The following ROBO2 variants were observed in gnomAD, a reference collection of about 807,000 sequenced individuals.
The protein encoded by ROBO2 is roundabout guidance receptor 2, also known as roundabout homolog 2.
Under a neutral mutation model 160.8 loss-of-function variants are expected in ROBO2, and 53 were observed. The observed-to-expected ratio is 0.33, with a 90% CI of 0.26 to 0.41. ROBO2 has a LOEUF of 0.41. ROBO2 is among the 10% of genes least tolerant of loss of function. The probability of loss-of-function intolerance (pLI) is 1.00; values close to 1 mark genes in which losing one functional copy is unlikely to be tolerated. For missense variants in ROBO2, 1,577 were observed against 1,722.4 expected (o/e 0.92, Z 1.49); for synonymous variants, 664 against 611.7 (o/e 1.09, Z -1.26).
chr3:76,297,114 C>G (rs535904974), intron 2 of ROBO2, among the ~76,000 whole-genome samples: 21 of 152,276 alleles, frequency 1.4e-4, no homozygotes, highest in Non-Finnish European at 2.4e-4. Flanking sequence ...GTCTGACATA[C>G]TGGTTATGTG....
chr3:76,887,757 C>T (rs2074021652), intron 2 of ROBO2, among the ~76,000 whole-genome samples: 1 of 152,080 alleles, frequency 6.6e-6, no homozygotes, highest in Non-Finnish European at 1.5e-5. Context: ...ATTTATTTTT[C>T]AAACCTCAGG....
chr3:77,451,728 T>C (rs2081131251), intron 2 of ROBO2, among the ~76,000 whole-genome samples: 2 of 151,890 alleles, frequency 1.3e-5, no homozygotes, highest in African/African-American at 4.8e-5. Context: ...TTTTTTTGTG[T>C]GTGATTCTTT....
chr3:76,249,931 C>T (rs1390720241), intron 2 of ROBO2, among the ~76,000 whole-genome samples: 1 of 152,004 alleles, frequency 6.6e-6, no homozygotes, highest in Non-Finnish European at 1.5e-5. Context: ...GGTATTTCCC[C>T]CCTCTTCAAG....
intron 2 of ROBO2, among the ~76,000 whole-genome samples, chr3:76,029,674 T>A (rs1218165918): frequency 6.6e-6 from 1 of 152,166 alleles, no homozygotes; most frequent in East Asian, 1.9e-4. Flanking sequence ...GCTTCATCCA[T>A]GTCCCTACAA....
chr3:77,514,267 T>C (rs1015381489), intron 5 of ROBO2, among the ~76,000 whole-genome samples: 4 of 151,786 alleles, frequency 2.6e-5, no homozygotes, highest in African/African-American at 4.8e-5. Flanking sequence ...ATAAATACCT[T>C]TGATTGTTTA....
intron 2 of ROBO2, among the ~76,000 whole-genome samples, chr3:76,493,550 A>G (rs1055237070): frequency 2.0e-5 from 3 of 151,796 alleles, no homozygotes; most frequent in African/African-American, 7.3e-5. Context: ...ATATTAAAAC[A>G]TATTATTTTT....
intron 2 of ROBO2, among the ~76,000 whole-genome samples, chr3:76,399,777 A>G (rs567920876): frequency 6.6e-6 from 1 of 151,880 alleles, no homozygotes; most frequent in African/African-American, 2.4e-5. Context: ...CTCTTTATTC[A>G]TGAATGTTTT....
At chr3:77,195,272 C>G (rs906039036) in intron 2 of ROBO2, among the ~76,000 whole-genome samples, 3 of 151,974 alleles carry the variant, frequency 2.0e-5, no homozygotes, top group Non-Finnish European at 4.4e-5. Context: ...ATTTTATTAT[C>G]TTGATTTTTA....
At chr3:76,096,032 A>T (rs2069437372) in intron 2 of ROBO2, among the ~76,000 whole-genome samples, 1 of 152,210 alleles carries the variant, frequency 6.6e-6, no homozygotes, top group South Asian at 2.1e-4. Context: ...AAGGTATAAC[A>T]TAACAAAATA....
intron 2 of ROBO2, among the ~76,000 whole-genome samples, chr3:76,480,760 T>C (rs1240357860): frequency 6.6e-6 from 1 of 152,106 alleles, no homozygotes; most frequent in Non-Finnish European, 1.5e-5. Flanking sequence ...AGGTTAGAAT[T>C]TGGGCATACA....
chr3:76,054,708 T>C (rs2067776589), intron 2 of ROBO2, among the ~76,000 whole-genome samples: 3 of 152,220 alleles, frequency 2.0e-5, no homozygotes, highest in Non-Finnish European at 4.4e-5. Context: ...TGGAGGTCCA[T>C]AATAATTGTT....
At chr3:76,588,253 C>A (rs549731220) in intron 2 of ROBO2, among the ~76,000 whole-genome samples, 1 of 152,268 alleles carries the variant, frequency 6.6e-6, no homozygotes, top group African/African-American at 2.4e-5. Context: ...GTATTGGTAT[C>A]ATTACCAACC....
chr3:76,455,204 A>G lies in ROBO2; in HGVS notation c.109+517602A>G, dbSNP rs541761397. ...AATTATGTCTTAGACATTTAGTGCTATCCAGCTTCCTTGCTTTCAAAAAAT... is the reference window on the plus strand; with the variant it reads ...AATTATGTCTTAGACATTTAGTGCTGTCCAGCTTCCTTGCTTTCAAAAAAT... On this transcript the variant is annotated intron_variant, in intron 2 of 26. Coordinates refer to the ROBO2 transcript ENST00000487694. 5.9e-5 allele frequency among the ~76,000 whole-genome samples: 9 copies of G among 152,218 alleles called. No individual in the cohort carries two copies. In the South Asian group the frequency reaches 1.9e-3, roughly 32 times the overall value.
At chr3:76,575,959 A>G (rs1450784679) in intron 2 of ROBO2, among the ~76,000 whole-genome samples, 3 of 152,048 alleles carry the variant, frequency 2.0e-5, no homozygotes, top group African/African-American at 4.8e-5. Flanking sequence ...CAAGGAGTAG[A>G]AGAATTTACA....
intron 2 of ROBO2, among the ~76,000 whole-genome samples, chr3:77,188,242 A>C (rs1400588281): frequency 6.6e-6 from 1 of 151,946 alleles, no homozygotes; most frequent in Non-Finnish European, 1.5e-5. Flanking sequence ...AGCCAACTAA[A>C]TGGACTTACA....
At chr3:77,398,662 A>G (rs2075515978) in intron 2 of ROBO2, among the ~76,000 whole-genome samples, 1 of 151,964 alleles carries the variant, frequency 6.6e-6, no homozygotes, top group Non-Finnish European at 1.5e-5. Flanking sequence ...GCTCACTGCA[A>G]CCTGGATTTC....
chr3:75,967,368 G>A (rs1304582633), intron 2 of ROBO2, among the ~76,000 whole-genome samples: 1 of 151,420 alleles, frequency 6.6e-6, no homozygotes, highest in East Asian at 2.0e-4. Flanking sequence ...CAAATATATT[G>A]ACTTCACTAC....
rs373358699 is a variant in ROBO2 at position 76,701,474 on chromosome 3, A to G, written c.110-396540A>G. On this transcript the variant is annotated intron_variant, in intron 2 of 26. Coordinates refer to the ROBO2 transcript ENST00000487694. ...TTAGGTGATTGGATGCTACTTGATC[A>G]GAAGAGAGGAATTAAGTTGATTTGA... Among the ~76,000 whole-genome samples, 86 of 152,218 alleles carry G rather than the reference A, an allele frequency of 5.6e-4. No individual in the cohort carries two copies. The South Asian group carries it at 0.01, about 18-fold the overall frequency.
intron 2 of ROBO2, among the ~76,000 whole-genome samples, chr3:76,022,503 T>A (rs1047193100): frequency 2.6e-5 from 4 of 151,838 alleles, no homozygotes; most frequent in African/African-American, 9.7e-5. Flanking sequence ...ATTCAGCGGC[T>A]ACAGAATGGA....
Sources: allele counts gnomAD v4.1 joint callset (sites outside exome capture counted in the v4.1 genomes callset), GRCh38; gene constraint gnomAD v4.1.1; transcripts MANE v1.5; gene names NCBI Gene and HGNC (gene_info 2026-07-23, HGNC 2026-07-21).